SLC13A4: variants seen among roughly 807,000 people sequenced by gnomAD.
SLC13A4 encodes the protein solute carrier family 13 member 4.
A neutral mutation model predicts 72.7 loss-of-function variants in SLC13A4; 28 were observed. The ratio of observed to expected loss-of-function variants is 0.39; its 90% CI spans 0.29 to 0.53. The LOEUF (loss-of-function observed/expected upper bound fraction) is 0.53. SLC13A4 is among the 20% of genes least tolerant of loss of function. The pLI is 0.78. For synonymous variants in SLC13A4, 312 were observed against 325.5 expected (o/e 0.96, Z 0.45); for missense variants, 653 against 788.0 (o/e 0.83, Z 2.05).
intron 2 of SLC13A4, among the ~76,000 whole-genome samples, chr7:135,719,835 A>C (rs1055122869): frequency 2.1e-5 from 3 of 141,874 alleles, no homozygotes; most frequent in Non-Finnish European, 4.7e-5. Flanking sequence ...GTGTATAGCC[A>C]CACACACGCA....
intron 1 of SLC13A4, among the ~76,000 whole-genome samples, chr7:135,726,790 G>A (rs897657503): frequency 3.3e-5 from 5 of 152,200 alleles, no homozygotes; most frequent in South Asian, 2.1e-4. Context: ...TCAAGGCCAC[G>A]TGCATGGGAG....
rs1395401405 is a variant in SLC13A4 at position 135,691,226 on chromosome 7, C to T, written c.1421G>A (p.Gly474Asp). The T allele has an allele frequency of 6.2e-7, 1 of 1,610,430 alleles. No homozygotes were observed. The highest frequency in any genetic ancestry group is 8.5e-7 in the Non-Finnish European group (1 of 1,178,962). ...CTTGCTACCAGAAGCCAGAGCATAG[C>T]CTCCCCCAACCAGAATGACAATCTC... ...PWEIVILVGG[G>D]YALASGSKSS... Residue 474 changes from glycine to aspartate, a missense_variant, in exon 13 of 16, where the codon GGC (glycine) becomes GAC (aspartate). Transcript: ENST00000682651.
chr7:135,700,255 C>G (rs1171418861), intron 7 of SLC13A4, among the ~76,000 whole-genome samples: 1 of 152,176 alleles, frequency 6.6e-6, no homozygotes, highest in African/African-American at 2.4e-5. Flanking sequence ...TCTGAGCCTG[C>G]TTGGTCCAGA....
chr7:135,681,638 G>A lies in SLC13A4; in HGVS notation c.1809C>T (p.Thr603=), dbSNP rs774527135. The A allele has an allele frequency of 2.5e-6, 4 of 1,614,166 alleles. No homozygotes were observed. Among genetic ancestry groups the A allele is most frequent in the Non-Finnish European group, 2.5e-6 (3 of 1,179,998 alleles). Residue 603 remains threonine, a synonymous_variant, in exon 16 of 16, where the codon ACC becomes ACT. Transcript: ENST00000682651. ...GLVIVMVAIN[T]WGVSLFHLDT... ...CCAGGTGGAAGAGGCTAACTCCCCA[G>A]GTGTTGATGGCCACCATTACTATCA...
chr7:135,725,391 C>G (rs1796634471), intron 1 of SLC13A4, among the ~76,000 whole-genome samples: 2 of 152,168 alleles, frequency 1.3e-5, no homozygotes, highest in African/African-American at 4.8e-5. Context: ...CAACTTTTAT[C>G]CCACTGGGGG....
intron 13 of SLC13A4, 67 bp from the exon 14 acceptor site, chr7:135,685,750 T>G: frequency 6.9e-7 from 1 of 1,449,862 alleles, no homozygotes; most frequent in Non-Finnish European, 9.5e-7. Flanking sequence ...GATCTTAGAC[T>G]TCAGAAGGTC....
Position 135,727,902 on chromosome 7 carries a change from A to G in SLC13A4, c.-406T>C, listed in dbSNP as rs1026439201. 6.1e-6 allele frequency: 1 copy of G among 164,614 alleles called. No individual in the cohort carries two copies. Among genetic ancestry groups the G allele is most frequent in the Admixed American group, 6.4e-5 (1 of 15,712 alleles). 10.2% of individuals were successfully genotyped at this position (164,614 alleles called of 1,614,324 possible). On this transcript the variant is annotated 5_prime_UTR_variant, in exon 1 of 16. Coordinates refer to ENST00000682651, the MANE Select transcript of SLC13A4 (RefSeq NM_001318192.2). ...GAAGAAATCATTTAAAAGCTTAAAAACATTAAAAACGCTCAGAGCACATTG... is the reference window on the plus strand; with the variant it reads ...GAAGAAATCATTTAAAAGCTTAAAAGCATTAAAAACGCTCAGAGCACATTG...
intron 1 of SLC13A4, among the ~76,000 whole-genome samples, chr7:135,723,891 A>G (rs1375329273): frequency 6.6e-6 from 1 of 152,226 alleles, no homozygotes; most frequent in African/African-American, 2.4e-5. Context: ...AGTGCTGATA[A>G]GACAACAGAA....
At chr7:135,702,968 G>T in intron 5 of SLC13A4, 84 bp from the exon 6 acceptor site, 2 of 976,034 alleles carry the variant, frequency 2.0e-6, no homozygotes, top group Non-Finnish European at 3.3e-6. Context: ...GGCGTTTGGT[G>T]TAAGGGACTT....
At chr7:135,719,596 C>A (rs1208515486) in intron 2 of SLC13A4, among the ~76,000 whole-genome samples, 2 of 152,002 alleles carry the variant, frequency 1.3e-5, no homozygotes, top group Non-Finnish European at 1.5e-5. Flanking sequence ...ATTACCTATT[C>A]TTTTTTCACG....
chr7:135,690,718 G>A (rs999099414), intron 13 of SLC13A4, among the ~76,000 whole-genome samples: 6 of 144,292 alleles, frequency 4.2e-5, no homozygotes, highest in Admixed American at 1.5e-4. Flanking sequence ...TCCTAGTAGC[G>A]CTGAGAAGCT....
chr7:135,681,918 C>T (rs959186152), intron 15 of SLC13A4, among the ~76,000 whole-genome samples: 7 of 152,186 alleles, frequency 4.6e-5, no homozygotes, highest in Admixed American at 6.5e-5. Flanking sequence ...ACAGCACTCT[C>T]ACTAGATTTC....
At chr7:135,699,585 CT>C (rs774458202) in intron 7 of SLC13A4, 37 bp from the exon 8 acceptor site, 2 of 1,546,370 alleles carry the variant, frequency 1.3e-6, no homozygotes, top group East Asian at 4.6e-5. Context: ...TCCAACCCAG[CT>C]TGGGCTGTCT....
chr7:135,708,109 C>T lies in SLC13A4; in HGVS notation c.365+5G>A. On this transcript the variant is annotated splice_donor_5th_base_variant and intron_variant, in intron 3 of 15. Transcript: ENST00000682651. ...CTATGTCCTGGCATCCCAAATAAGA[C>T]TTACATGCCCGGCTTGGCTCCGGCC... 1.2e-6 allele frequency: 2 copies of T among 1,612,286 alleles called. No homozygotes were observed. The highest frequency in any genetic ancestry group is 1.7e-6 in the Non-Finnish European group (2 of 1,178,462).
intron 7 of SLC13A4, among the ~76,000 whole-genome samples, chr7:135,700,708 C>T (rs1472831865): frequency 1.3e-5 from 2 of 152,094 alleles, no homozygotes; most frequent in Non-Finnish European, 2.9e-5. Flanking sequence ...GCAGTGGTGC[C>T]ATCATAGCTC....
At chr7:135,684,473 G>A (rs1795576949) in intron 14 of SLC13A4, among the ~76,000 whole-genome samples, 1 of 152,138 alleles carries the variant, frequency 6.6e-6, no homozygotes, top group South Asian at 2.1e-4. Context: ...TGGAAATATG[G>A]CTTTGAGTTA....
Position 135,681,536 on chromosome 7 carries a change from T to C in SLC13A4, c.*27A>G. ...TACTGCTGGATACTGGCAGCTCCTG[T>C]GGTTGGGCCAGTTTGTACACTTGGC... On this transcript the variant is annotated 3_prime_UTR_variant, in exon 16 of 16. Transcript: ENST00000682651. The C allele has an allele frequency of 6.2e-7, 1 of 1,605,122 alleles. No homozygotes were observed. The highest frequency in any genetic ancestry group is 1.3e-5 in the African/African-American group (1 of 74,932).
intron 13 of SLC13A4, among the ~76,000 whole-genome samples, chr7:135,688,044 C>T (rs915958016): frequency 1.4e-4 from 21 of 151,950 alleles, no homozygotes; most frequent in African/African-American, 4.3e-4. Flanking sequence ...GGTGCGATCT[C>T]GGCTCACCAC....
intron 3 of SLC13A4, 32 bp downstream of exon 3, chr7:135,708,082 C>T (rs1796208842): frequency 1.9e-6 from 3 of 1,604,530 alleles, no homozygotes; most frequent in Non-Finnish European, 1.7e-6. Flanking sequence ...TAGAAGGATG[C>T]CCTATGTCCT....
Sources: gnomAD v4.1 joint callset for allele counts (sites outside exome capture counted in the v4.1 genomes callset) on GRCh38, gnomAD v4.1.1 for gene constraint, MANE v1.5 for transcripts, NCBI Gene and HGNC (gene_info 2026-07-23, HGNC 2026-07-21) for gene names.